CEP135: variants seen among roughly 807,000 people sequenced by gnomAD.
CEP135 encodes the protein centrosomal protein of 135 kDa.
Under a neutral mutation model 157.3 loss-of-function variants are expected in CEP135, and 142 were observed. The observed-to-expected ratio is 0.90, with a 90% CI of 0.79 to 1.04. The LOEUF is 1.04. Among genes scored for constraint, CEP135 ranks in the 50% least tolerant of loss-of-function variants. CEP135 has a pLI of 0.00. For missense variants in CEP135, 1,317 were observed against 1,309.2 expected, an observed-to-expected ratio of 1.01 and a Z score of -0.09; for synonymous variants, 396 against 439.8, an observed-to-expected ratio of 0.90 and a Z score of 1.25.
At chr4:56,027,908 T>G (rs1731209636) in intron 25 of CEP135, among the ~76,000 whole-genome samples, 1 of 152,106 alleles carries the variant, frequency 6.6e-6, no homozygotes, top group Non-Finnish European at 1.5e-5. Context: ...CTGTACCCAT[T>G]AAACAATCAC....
intron 5 of CEP135, among the ~76,000 whole-genome samples, chr4:55,959,341 G>A (rs1244697379): frequency 1.3e-5 from 2 of 152,178 alleles, no homozygotes; most frequent in Non-Finnish European, 2.9e-5. Flanking sequence ...CACTTACTAA[G>A]TCTGTGAATT....
At chr4:55,981,407 G>GT in intron 13 of CEP135, 28 bp downstream of exon 13, 3 of 1,546,886 alleles carry the variant, frequency 1.9e-6, no homozygotes, top group South Asian at 2.5e-5. Flanking sequence ...TTTTTGAAAG[G>GT]TAATTTGTTG....
At chr4:56,002,912 G>T (rs1423256594) in intron 17 of CEP135, among the ~76,000 whole-genome samples, 1 of 152,050 alleles carries the variant, frequency 6.6e-6, no homozygotes, top group Non-Finnish European at 1.5e-5. Context: ...ACATGCTATT[G>T]GTTTGTTGAA....
intron 17 of CEP135, among the ~76,000 whole-genome samples, chr4:56,001,888 A>G (rs1229757685): frequency 6.6e-6 from 1 of 152,090 alleles, no homozygotes; most frequent in Non-Finnish European, 1.5e-5. Flanking sequence ...AGTATGGAAT[A>G]TCCTTCCATT....
intron 15 of CEP135, among the ~76,000 whole-genome samples, chr4:55,993,714 G>T (rs1343021833): frequency 1.3e-5 from 2 of 152,198 alleles, no homozygotes; most frequent in Admixed American, 1.3e-4. Flanking sequence ...GATTATGGCT[G>T]AAACACCTCT....
chr4:56,004,926 ATTTTT>A (rs141401678), intron 17 of CEP135, among the ~76,000 whole-genome samples: 2 of 126,612 alleles, frequency 1.6e-5, no homozygotes, highest in Non-Finnish European at 3.3e-5. Flanking sequence ...TAATGCTGCC[ATTTTT>A]TTTTTTTTTT....
Position 55,974,984 on chromosome 4 carries a change from T to C in CEP135, c.1473+15T>C. The C allele has an allele frequency of 6.5e-7, 1 of 1,543,782 alleles. No individual in the cohort carries two copies. The highest frequency in any genetic ancestry group is 8.8e-7 in the Non-Finnish European group (1 of 1,131,160). On this transcript the variant is annotated intron_variant, in intron 11 of 25. Transcript: ENST00000257287. ...CACCAGAAAAGGTAATGTCCCTTTA[T>C]AAGAGTAGGCCAGAAAGTATCTTTA...
chr4:55,964,799 T>A (rs1034812055), intron 7 of CEP135: 10 of 151,770 alleles, frequency 6.6e-5, no homozygotes, highest in African/African-American at 2.4e-4. Context: ...TTTTCTCTTT[T>A]TCTTTTTTAA....
At chr4:55,984,402 A>T (rs1312539494) in intron 13 of CEP135, among the ~76,000 whole-genome samples, 1 of 152,108 alleles carries the variant, frequency 6.6e-6, no homozygotes, top group Non-Finnish European at 1.5e-5. Flanking sequence ...TTCCCTTTTG[A>T]TATTTTGGCA....
intron 6 of CEP135, among the ~76,000 whole-genome samples, chr4:55,963,710 C>T (rs141106503): frequency 1.4e-3 from 214 of 152,344 alleles, no homozygotes; most frequent in African/African-American, 5.0e-3. Context: ...CATGCCACTG[C>T]ACTCCAGACT....
chr4:56,009,666 A>C, intron 18 of CEP135, 69 bp from the exon 19 acceptor site: 1 of 1,375,362 alleles, frequency 7.3e-7, no homozygotes, highest in Non-Finnish European at 1.0e-6. Context: ...TTAGACTATA[A>C]GTTTTCTTTT....
chr4:56,001,279 T>C (rs1215019690), intron 17 of CEP135, among the ~76,000 whole-genome samples: 1 of 152,198 alleles, frequency 6.6e-6, no homozygotes, highest in Non-Finnish European at 1.5e-5. Context: ...CATTTGTCTC[T>C]TTCTACTTTT....
At chr4:55,952,693 A>G (rs1728394696) in intron 2 of CEP135, 1 of 183,582 alleles carries the variant, frequency 5.4e-6, no homozygotes, top group East Asian at 1.4e-4. Context: ...ACAAACCTAG[A>G]TGGTGTCGCC....
chr4:55,982,227 TTC>T (rs1171815535), intron 13 of CEP135, among the ~76,000 whole-genome samples: 1 of 152,228 alleles, frequency 6.6e-6, no homozygotes, highest in Non-Finnish European at 1.5e-5. Context: ...AATGTCTGAC[TTC>T]TCTCATTAGC....
At chr4:56,027,625 A>T (rs892072984) in intron 25 of CEP135, among the ~76,000 whole-genome samples, 3 of 151,752 alleles carry the variant, frequency 2.0e-5, no homozygotes, top group Non-Finnish European at 4.4e-5. Flanking sequence ...AGAACTACTG[A>T]TATGGAACAT....
chr4:56,013,678 T>C (rs377636439), intron 21 of CEP135, among the ~76,000 whole-genome samples: 2 of 152,186 alleles, frequency 1.3e-5, no homozygotes, highest in Admixed American at 1.3e-4. Flanking sequence ...CTGGGTTAGA[T>C]TGATATACAA....
chr4:55,996,670 G>A (rs1418468341), intron 15 of CEP135, among the ~76,000 whole-genome samples: 1 of 151,298 alleles, frequency 6.6e-6, no homozygotes, highest in African/African-American at 2.4e-5. Flanking sequence ...TAGACTCCTG[G>A]GAGAAATCTA....
chr4:55,988,502 A>C (rs1373171982), intron 14 of CEP135, among the ~76,000 whole-genome samples: 1 of 152,122 alleles, frequency 6.6e-6, no homozygotes, highest in Non-Finnish European at 1.5e-5. Flanking sequence ...TCTACTAAAA[A>C]TACGAAAATT....
intron 6 of CEP135, chr4:55,960,825 C>T (rs1490357717): frequency 6.8e-6 from 1 of 146,298 alleles, no homozygotes; most frequent in Non-Finnish European, 1.5e-5. Flanking sequence ...ACTTGGGAGG[C>T]TGAGGCAGGA....
Sources: allele counts gnomAD v4.1 joint callset (sites outside exome capture counted in the v4.1 genomes callset), GRCh38; gene constraint gnomAD v4.1.1; transcripts MANE v1.5; gene names NCBI Gene and HGNC (gene_info 2026-07-23, HGNC 2026-07-21).